The following OR4N5 variants were observed in gnomAD, a reference collection of about 807,000 sequenced individuals.
OR4N5 encodes the protein olfactory receptor family 4 subfamily N member 5.
For synonymous variants in OR4N5, 155 were observed against 140.6 expected, an observed-to-expected ratio of 1.10 and a Z score of -0.72; for missense variants, 428 against 370.0, an observed-to-expected ratio of 1.16 and a Z score of -1.29.
Position 20,141,042 on chromosome 14 carries a change from A to AT in OR4N5, c.-180dup, listed in dbSNP as rs1453778237. 1 of 152,206 alleles carries AT rather than the reference A, an allele frequency of 6.6e-6. No individual in the cohort carries two copies. The highest frequency in any genetic ancestry group is 1.5e-5 in the Non-Finnish European group (1 of 68,022). The allele number at this position is 152,206 out of a possible 1,614,324, so 9.4% of individuals were successfully genotyped here. A position where few individuals can be genotyped will look rare whatever the true frequency, so the allele number is the denominator to read the frequency against. On this transcript the variant is annotated 5_prime_UTR_variant, in exon 2 of 3. The change abolishes an upstream ATG in the 5' untranslated region. Coordinates refer to ENST00000641086, the MANE Select transcript of OR4N5 (RefSeq NM_001004724.2). ...AAGTGGATTAAAGATGTTGAGTAAC[A>AT]TGGAATTTCATCTGTTAGTTAACAG...
intron 2 of OR4N5, among the ~76,000 whole-genome samples, chr14:20,141,614 T>G (rs1878617328): frequency 6.6e-6 from 1 of 152,186 alleles, no homozygotes; most frequent in African/African-American, 2.4e-5. Context: ...TGATTTTTCT[T>G]TATTCTTTTT....
Position 20,144,099 on chromosome 14 carries a change from C to A in OR4N5, c.364C>A (p.Arg122Ser), listed in dbSNP as rs202234247. The change falls in exon 3 of 3, where the codon CGC becomes AGC. Residue 122 changes from arginine to serine, a missense_variant. By Grantham distance (110) the Arg-to-Ser change is moderately radical. Coordinates refer to ENST00000641086, the MANE Select transcript of OR4N5 (RefSeq NM_001004724.2). Reference protein sequence around the residue: ...MFLLVVMAFDRYIAICRPLHY... With the variant: ...MFLLVVMAFDSYIAICRPLHY... ...CCTCCTCGTTGTGATGGCCTTTGAC[C>A]GCTACATCGCCATCTGCCGGCCTTT... The A allele has an allele frequency of 6.2e-7, 1 of 1,614,066 alleles. No individual in the cohort carries two copies. Among genetic ancestry groups the A allele is most frequent in the Non-Finnish European group, 8.5e-7 (1 of 1,179,994 alleles).
rs897553746 is a variant in OR4N5 at position 20,145,063 on chromosome 14, G to T, written c.*401G>T. ...TGTTTAGCTGAAACCAATATGATTCGAAAGAAACAACCATGCAAATATCTG... is the reference window on the plus strand; with the variant it reads ...TGTTTAGCTGAAACCAATATGATTCTAAAGAAACAACCATGCAAATATCTG... On this transcript the variant is annotated 3_prime_UTR_variant, in exon 3 of 3. Coordinates refer to ENST00000641086, the MANE Select transcript of OR4N5 (RefSeq NM_001004724.2). The T allele has an allele frequency of 6.2e-6, 1 of 161,208 alleles. No individual in the cohort carries two copies. Among genetic ancestry groups the T allele is most frequent in the Admixed American group, 6.0e-5 (1 of 16,594 alleles). 10.0% of individuals were successfully genotyped at this position (161,208 alleles called of 1,614,324 possible). A position where few individuals can be genotyped will look rare whatever the true frequency, so the allele number is the denominator to read the frequency against.
rs76001619 is a variant in OR4N5 at position 20,144,257 on chromosome 14, C to A, written c.522C>A (p.Leu174=). The change falls in exon 3 of 3, where the codon CTC becomes CTA. Residue 174 remains leucine (L), a synonymous_variant. Coordinates refer to ENST00000641086, the MANE Select transcript of OR4N5 (RefSeq NM_001004724.2). ...LHLPFCGPNQ[L]DNFFCDVPQV... ...TGCCTTTCTGTGGCCCAAACCAGCT[C>A]GATAACTTCTTCTGTGATGTTCCAC... 665 of 1,614,022 alleles carry A rather than the reference C, an allele frequency of 4.1e-4. 4 individuals are homozygous for A. In the South Asian group the frequency reaches 4.9e-3, roughly 12 times the overall value.
In OR4N5 at chr14:20,144,843, T is replaced by C. The variant is rs191316267; in HGVS notation, c.*181T>C. On this transcript the variant is annotated 3_prime_UTR_variant, in exon 3 of 3. Transcript: ENST00000641086. ...CAGGTAAGATTCCAGGTCTCCTAGA[T>C]TTATATTCAAGGGGATAAATACAGG... 4.1e-5 allele frequency: 24 copies of C among 579,016 alleles called. No individual in the cohort carries two copies. In the Admixed American group the frequency reaches 4.4e-4, roughly 11 times the overall value. The allele number at this position is 579,016 out of a possible 1,614,324, so 35.9% of individuals were successfully genotyped here.
intron 2 of OR4N5, among the ~76,000 whole-genome samples, chr14:20,142,159 T>C (rs1878629021): frequency 6.6e-6 from 1 of 152,002 alleles, no homozygotes; most frequent in Non-Finnish European, 1.5e-5. Context: ...GGAGTCTCGC[T>C]CTGTTGCCCA....
intron 2 of OR4N5, among the ~76,000 whole-genome samples, chr14:20,142,192 C>G (rs1438567275): frequency 1.3e-5 from 2 of 151,926 alleles, no homozygotes; most frequent in Non-Finnish European, 2.9e-5. Flanking sequence ...GTGGTGCGAT[C>G]TCAGCTCACT....
chr14:20,143,588 TC>T (rs1566559536), intron 2 of OR4N5, 136 bp from the exon 3 acceptor site: 1 of 629,532 alleles, frequency 1.6e-6, no homozygotes, highest in Non-Finnish European at 2.8e-6. Flanking sequence ...AAGGGTTAAC[TC>T]AGGATACAAG....
Position 20,143,709 on chromosome 14 carries a change from C to T in OR4N5, c.-11-16C>T. ...TGGTTATAACAGATAACAATTTGCC[C>T]TATTTTATTCTGCAGAGTGAGAAAT... is the stretch of plus-strand genomic sequence containing the variant. On this transcript the variant is annotated splice_polypyrimidine_tract_variant and intron_variant, in intron 2 of 2. Coordinates refer to ENST00000641086, the MANE Select transcript of OR4N5 (RefSeq NM_001004724.2). 6.6e-7 allele frequency: 1 copy of T among 1,514,324 alleles called. No homozygotes were observed. Among genetic ancestry groups the T allele is most frequent in the Non-Finnish European group, 9.0e-7 (1 of 1,112,352 alleles). The allele number at this position is 1,514,324 out of a possible 1,614,324, so 93.8% of individuals were successfully genotyped here.
At position 20,144,841 on chromosome 14, in the gene OR4N5, G is replaced by T; in HGVS notation, c.*179G>T. 1 of 578,966 alleles carries T rather than the reference G, an allele frequency of 1.7e-6. No individual in the cohort carries two copies. Among genetic ancestry groups the T allele is most frequent in the Non-Finnish European group, 3.0e-6 (1 of 328,174 alleles). 35.9% of individuals were successfully genotyped at this position (578,966 alleles called of 1,614,324 possible). A position where few individuals can be genotyped will look rare whatever the true frequency, so the allele number is the denominator to read the frequency against. On this transcript the variant is annotated 3_prime_UTR_variant, in exon 3 of 3. Coordinates refer to ENST00000641086, the MANE Select transcript of OR4N5 (RefSeq NM_001004724.2). ...GACAGGTAAGATTCCAGGTCTCCTA[G>T]ATTTATATTCAAGGGGATAAATACA...
chr14:20,145,351 C>T lies in OR4N5; in HGVS notation c.*689C>T, dbSNP rs1221293118. On this transcript the variant is annotated 3_prime_UTR_variant, in exon 3 of 3. Transcript: ENST00000641086. ...CAGGAGAGTAACTCTTTAATGTTTC[C>T]TATTTGACTTAAGGGAAGATCCTCA... The T allele has an allele frequency of 1.3e-5, 2 of 152,084 alleles. No individual in the cohort carries two copies. Among genetic ancestry groups the T allele is most frequent in the Non-Finnish European group, 2.9e-5 (2 of 68,008 alleles). 9.4% of individuals were successfully genotyped at this position (152,084 alleles called of 1,614,324 possible). A position where few individuals can be genotyped will look rare whatever the true frequency, so the allele number is the denominator to read the frequency against.
chr14:20,139,387 G>C (rs1193717995), intron 1 of OR4N5, among the ~76,000 whole-genome samples: 1 of 152,018 alleles, frequency 6.6e-6, no homozygotes, highest in Non-Finnish European at 1.5e-5. Context: ...ATCTGCACAT[G>C]GTCCTTACAT....
intron 2 of OR4N5, among the ~76,000 whole-genome samples, chr14:20,142,327 C>T (rs1325004391): frequency 3.9e-5 from 6 of 152,054 alleles, no homozygotes; most frequent in African/African-American, 1.4e-4. Context: ...GATGGGGTTT[C>T]ACCATGTTAG....
chr14:20,139,010 T>G (rs1878565199), intron 1 of OR4N5, 120 bp downstream of exon 1: 1 of 152,116 alleles, frequency 6.6e-6, no homozygotes, highest in Non-Finnish European at 1.5e-5. Flanking sequence ...AGAATTCTGC[T>G]GCAGAAACAG....
Position 20,144,396 on chromosome 14 carries a change from A to G in OR4N5, c.661A>G (p.Ile221Val). The change falls in exon 3 of 3, where the codon ATC (isoleucine) becomes GTC (valine). Residue 221 changes from isoleucine (I) to valine (V), a missense_variant. By Grantham distance (29) the Ile-to-Val change is conservative. Coordinates refer to ENST00000641086, the MANE Select transcript of OR4N5 (RefSeq NM_001004724.2). The stretch of plus-strand genomic sequence containing the variant: ...GGGCCTTCTGGCCTCCTATGCAGTC[A>G]TCCTCTGTCGTATAAGGGAGCACTC... ...FLGLLASYAV[I>V]LCRIREHSSE... 1 of 1,614,014 alleles carries G rather than the reference A, an allele frequency of 6.2e-7. No individual in the cohort carries two copies. Among genetic ancestry groups the G allele is most frequent in the Non-Finnish European group, 8.5e-7 (1 of 1,179,984 alleles).
At chr14:20,139,583 A>G (rs1459752754) in intron 1 of OR4N5, among the ~76,000 whole-genome samples, 1 of 152,130 alleles carries the variant, frequency 6.6e-6, no homozygotes. Context: ...GGGCAGTGAC[A>G]AAAGATCTAT....
intron 1 of OR4N5, among the ~76,000 whole-genome samples, chr14:20,139,144 T>A (rs1383653972): frequency 6.6e-6 from 1 of 152,122 alleles, no homozygotes; most frequent in Non-Finnish European, 1.5e-5. Flanking sequence ...TTAATTCTAC[T>A]ATTGTTTTAA....
intron 1 of OR4N5, among the ~76,000 whole-genome samples, chr14:20,139,598 A>G (rs897471096): frequency 2.6e-5 from 4 of 152,144 alleles, no homozygotes; most frequent in Non-Finnish European, 5.9e-5. Flanking sequence ...ATCTATTGAC[A>G]TGGTATCCAT....
intron 2 of OR4N5, 93 bp downstream of exon 2, chr14:20,141,304 T>G (rs1369751552): frequency 6.6e-6 from 1 of 152,172 alleles, no homozygotes; most frequent in Non-Finnish European, 1.5e-5. Flanking sequence ...AAGAGGTGTC[T>G]AAATGGGTAA....
Sources: gnomAD v4.1 joint callset for allele counts (sites outside exome capture counted in the v4.1 genomes callset) on GRCh38, gnomAD v4.1.1 for gene constraint, MANE v1.5 for transcripts, NCBI Gene and HGNC (gene_info 2026-07-23, HGNC 2026-07-21) for gene names.